Variants in JARID2 observed in about 807,000 individuals in gnomAD.
JARID2 encodes the protein jumonji and AT-rich interaction domain containing 2.
In JARID2, 21 loss-of-function variants were observed where a neutral mutation model predicts 125.6. That is an observed-to-expected ratio of 0.17 (90% CI 0.12 to 0.24). JARID2 has a LOEUF of 0.24. Among genes scored for constraint, JARID2 ranks in the 10% least tolerant of loss-of-function variants. The pLI is 1.00. For synonymous variants in JARID2, 736 were observed against 661.6 expected (o/e 1.11, Z -1.73); for missense variants, 1,303 against 1,639.6 (o/e 0.79, Z 3.55).
chr6:15,398,425 C>A (rs535562296), intron 2 of JARID2, among the ~76,000 whole-genome samples: 20 of 152,148 alleles, frequency 1.3e-4, no homozygotes, highest in Non-Finnish European at 2.6e-4. Context: ...TGTTGTTATT[C>A]CTAAATTGAA....
rs1771843592 is a variant in JARID2, at chr6:15,521,395, A to G, written c.*1144A>G. The G allele has an allele frequency of 7.0e-6, 1 of 141,928 alleles. No homozygotes were observed. The highest frequency in any genetic ancestry group is 2.6e-5 in the African/African-American group (1 of 38,578). 8.8% of individuals were successfully genotyped at this position (141,928 alleles called of 1,614,324 possible). A position where few individuals can be genotyped will look rare whatever the true frequency, so the allele number is the denominator to read the frequency against. ...CATATGCCTGTAAATTGTTTTAAAT[A>G]CTTGAGCCTTTTTCTCGGTGGGGGG... On this transcript the variant is annotated 3_prime_UTR_variant, in exon 18 of 18. Coordinates refer to ENST00000341776, the MANE Select transcript of JARID2 (RefSeq NM_004973.4).
In JARID2 at chr6:15,247,526, A is replaced by G. The variant is rs1027386762; in HGVS notation, c.45+942A>G. On this transcript the variant is annotated intron_variant, in intron 1 of 17. Transcript: ENST00000341776. ...GTGATTAGCTGCATGCTTTAAATTA[A>G]ATAACTCTTTTTTTTTTTCAAAAAA... 17 of 905,380 alleles carry G rather than the reference A, an allele frequency of 1.9e-5. No individual in the cohort carries two copies. In the African/African-American group the frequency reaches 4.5e-4, roughly 24 times the overall value. 56.1% of individuals were successfully genotyped at this position (905,380 alleles called of 1,614,324 possible). A position where few individuals can be genotyped will look rare whatever the true frequency, so the allele number is the denominator to read the frequency against.
chr6:15,249,818 G>T (rs1759369987), intron 1 of JARID2, among the ~76,000 whole-genome samples: 1 of 152,150 alleles, frequency 6.6e-6, no homozygotes, highest in Non-Finnish European at 1.5e-5. Context: ...CTCATAAGTT[G>T]CAGTGTAATC....
At chr6:15,503,174 T>G (rs766536453) in intron 8 of JARID2, among the ~76,000 whole-genome samples, 6 of 152,228 alleles carry the variant, frequency 3.9e-5, no homozygotes, top group Non-Finnish European at 7.3e-5. Context: ...GTAGGGACCG[T>G]GAGCACGCAA....
In JARID2 at chr6:15,496,613, C is replaced by G; in HGVS notation, c.1388C>G (p.Ala463Gly). 6.2e-7 allele frequency: 1 copy of G among 1,605,406 alleles called. No individual in the cohort carries two copies. Among genetic ancestry groups the G allele is most frequent in the South Asian group, 1.1e-5 (1 of 90,248 alleles). ...TCGCCCCCCAAGAAGATGAAAGGGG[C>G]GGCTGGCCCCGCCGAAGGCCCTGGC... ...PQSPPKKMKG[A>G]AGPAEGPGKK... is the part of the protein sequence containing the mutation. The change falls in exon 7 of 18, where the codon GCG becomes GGG. Residue 463 changes from alanine (A) to glycine (G), a missense_variant. Physicochemically the swap from Ala to Gly is moderately conservative, Grantham distance 60. This residue lies in a region of JARID2 where 651 missense variants were observed against 581.6 expected (regional missense o/e 1.12). Coordinates refer to ENST00000341776, the MANE Select transcript of JARID2 (RefSeq NM_004973.4).
chr6:15,304,585 G>A (rs1761754363), intron 1 of JARID2, among the ~76,000 whole-genome samples: 1 of 151,944 alleles, frequency 6.6e-6, no homozygotes, highest in African/African-American at 2.4e-5. Context: ...GACCTTTGTA[G>A]CATGGCCTTT....
At chr6:15,465,736 T>C (rs1768691546) in intron 4 of JARID2, among the ~76,000 whole-genome samples, 1 of 152,220 alleles carries the variant, frequency 6.6e-6, no homozygotes, top group African/African-American at 2.4e-5. Flanking sequence ...CCTGATTCTC[T>C]TTGAATCTTA....
chr6:15,325,768 CTG>C (rs1338898005), intron 1 of JARID2, among the ~76,000 whole-genome samples: 7 of 152,174 alleles, frequency 4.6e-5, no homozygotes, highest in African/African-American at 7.2e-5. Flanking sequence ...ATGGTAAAAA[CTG>C]AGACATTATT....
chr6:15,387,462 G>A (rs1032008488), intron 2 of JARID2, among the ~76,000 whole-genome samples: 3 of 152,108 alleles, frequency 2.0e-5, no homozygotes, highest in Admixed American at 1.3e-4. Context: ...GTTCCTCTGA[G>A]TCTTCCTCCT....
intron 1 of JARID2, among the ~76,000 whole-genome samples, chr6:15,373,219 C>T (rs1375192938): frequency 6.6e-6 from 1 of 152,192 alleles, no homozygotes; most frequent in African/African-American, 2.4e-5. Flanking sequence ...GCTTTAGTGA[C>T]TGTTGTCAAC....
chr6:15,495,690 C>T (rs1770379597), intron 6 of JARID2, among the ~76,000 whole-genome samples: 1 of 152,160 alleles, frequency 6.6e-6, no homozygotes, highest in Non-Finnish European at 1.5e-5. Context: ...TTTCTTGGAA[C>T]AGGGATATGT....
At chr6:15,357,437 C>T (rs2127490395) in intron 1 of JARID2, among the ~76,000 whole-genome samples, 1 of 152,298 alleles carries the variant, frequency 6.6e-6, no homozygotes, top group Non-Finnish European at 1.5e-5. Context: ...TTAAACATTA[C>T]ATGTCAGTGA....
intron 1 of JARID2, among the ~76,000 whole-genome samples, chr6:15,283,123 C>A (rs554372351): frequency 6.0e-5 from 9 of 151,056 alleles, no homozygotes; most frequent in Non-Finnish European, 1.3e-4. Context: ...GGACTACAGG[C>A]GCCCGCCACC....
At position 15,496,897 on chromosome 6, in the gene JARID2, C is replaced by G. The variant is rs1307988309; in HGVS notation, c.1672C>G (p.Pro558Ala). 6.2e-7 allele frequency: 1 copy of G among 1,601,432 alleles called. No homozygotes were observed. The highest frequency in any genetic ancestry group is 8.5e-7 in the Non-Finnish European group (1 of 1,171,846). The change falls in exon 7 of 18, where the codon CCC (proline) becomes GCC (alanine). Residue 558 changes from proline to alanine, a missense_variant. Pro to Ala is a conservative substitution (Grantham distance 27). Transcript: ENST00000341776. ...CGGGTGGGCGGCCATGGACGAGATC[C>G]CCGTCCTCAGGCCCTCCGCCAAGGA... ...KAGWAAMDEIPVLRPSAKEFH... is the reference protein window; with the variant it reads ...KAGWAAMDEIAVLRPSAKEFH...
At chr6:15,509,138 C>G (rs1350172779) in intron 12 of JARID2, 1 of 1,287,680 alleles carries the variant, frequency 7.8e-7, no homozygotes, top group Non-Finnish European at 1.0e-6. Flanking sequence ...GTAGCCATCC[C>G]TGATTGAGGC....
chr6:15,514,825 C>T (rs1771467176), intron 16 of JARID2, among the ~76,000 whole-genome samples: 1 of 152,114 alleles, frequency 6.6e-6, no homozygotes, highest in Admixed American at 6.6e-5. Context: ...GGAGGTTCAA[C>T]GTTTGCATTT....
At chr6:15,475,399 G>T (rs1027641580) in intron 5 of JARID2, among the ~76,000 whole-genome samples, 1 of 152,234 alleles carries the variant, frequency 6.6e-6, no homozygotes, top group Admixed American at 6.5e-5. Context: ...TGCAGACAGA[G>T]GAAAGAGTCC....
At chr6:15,320,759 T>A (rs1273964532) in intron 1 of JARID2, among the ~76,000 whole-genome samples, 6 of 152,182 alleles carry the variant, frequency 3.9e-5, no homozygotes, top group African/African-American at 1.2e-4. Flanking sequence ...GGCCTCTAAT[T>A]CATTTTCATA....
chr6:15,263,591 A>ATTTTT (rs763727930), intron 1 of JARID2, among the ~76,000 whole-genome samples: 1 of 131,618 alleles, frequency 7.6e-6, no homozygotes, highest in African/African-American at 2.8e-5. Flanking sequence ...GAGTCAGACA[A>ATTTTT]TTTTTTTTTT....
Sources: allele counts gnomAD v4.1 joint callset (sites outside exome capture counted in the v4.1 genomes callset), GRCh38; gene constraint gnomAD v4.1.1; regional missense constraint gnomAD v4.1.1; transcripts MANE v1.5; gene names NCBI Gene and HGNC (gene_info 2026-07-23, HGNC 2026-07-21).